The following URI1 variants were observed in gnomAD, a reference collection of about 807,000 sequenced individuals.
The protein encoded by URI1 is unconventional prefoldin RPB5 interactor 1.
URI1 carries 39 observed loss-of-function variants against 60.2 expected under a neutral mutation model. That is an observed-to-expected ratio of 0.65 (90% CI 0.50 to 0.85). The LOEUF is 0.85. URI1 is among the 40% of genes least tolerant of loss of function. The probability of loss-of-function intolerance (pLI) is 0.00; values close to 1 mark genes in which losing one functional copy is unlikely to be tolerated. For synonymous variants in URI1, 251 were observed against 236.8 expected, an observed-to-expected ratio of 1.06 and a Z score of -0.55; for missense variants, 691 against 665.9, an observed-to-expected ratio of 1.04 and a Z score of -0.42.
At position 29,944,185 on chromosome 19, in the gene URI1, A is replaced by ATATG. The variant is rs1254056387; in HGVS notation, c.117+1524_117+1525insGTAT. Among the ~76,000 whole-genome samples the ATATG allele has an allele frequency of 2.1e-3, 207 of 100,712 alleles. 1 individual carries two copies. Among genetic ancestry groups the ATATG allele is most frequent in the Middle Eastern group, 4.8e-3 (1 of 208 alleles). The allele number at this position is 100,712 out of a possible 152,430, so 66.1% of individuals were successfully genotyped here. A position where few individuals can be genotyped will look rare whatever the true frequency, so the allele number is the denominator to read the frequency against. ...TATATATATATATATATATATATAT[A>ATATG]TATATATAAAACTTAACTAGTTTGG... is the stretch of plus-strand genomic sequence containing the variant. On this transcript the variant is annotated intron_variant, in intron 1 of 10. Coordinates refer to ENST00000392271, the MANE Select transcript of URI1 (RefSeq NM_003796.3).
intron 4 of URI1, among the ~76,000 whole-genome samples, chr19:29,990,537 T>G (rs1430840987): frequency 1.3e-5 from 2 of 152,192 alleles, no homozygotes; most frequent in Non-Finnish European, 2.9e-5. Context: ...GTGTCGTACA[T>G]CCATGCAGTG....
chr19:29,931,022 T>C (rs970090124), intron 1 of URI1, among the ~76,000 whole-genome samples: 3 of 152,194 alleles, frequency 2.0e-5, no homozygotes, highest in African/African-American at 7.2e-5. Flanking sequence ...GTATTTTGAT[T>C]ACTGTAGCTT....
intron 6 of URI1, among the ~76,000 whole-genome samples, chr19:30,006,487 T>C (rs2055944354): frequency 6.6e-6 from 1 of 152,100 alleles, no homozygotes; most frequent in South Asian, 2.1e-4. Flanking sequence ...ATAAAGGATA[T>C]GTATATTAAA....
intron 4 of URI1, among the ~76,000 whole-genome samples, chr19:29,992,406 T>G (rs2055758047): frequency 6.6e-6 from 1 of 152,222 alleles, no homozygotes; most frequent in African/African-American, 2.4e-5. Context: ...GGATCTTTCC[T>G]TTTTAATTGA....
At position 30,015,191 on chromosome 19, in the gene URI1, A is replaced by G. The variant is rs1005684071; in HGVS notation, c.*122A>G. 5.7e-5 allele frequency: 82 copies of G among 1,448,868 alleles called. No homozygotes were observed. The highest frequency in any genetic ancestry group is 2.1e-4 in the Middle Eastern group (1 of 4,688). 89.8% of individuals were successfully genotyped at this position (1,448,868 alleles called of 1,614,324 possible). ...GGTATCCTGAGTTACTTTGGCAACA[A>G]GTTCTTTTACCCTTACCCGTGGTAT... On this transcript the variant is annotated 3_prime_UTR_variant, in exon 11 of 11. Transcript: ENST00000392271.
At chr19:29,943,176 C>T (rs1191906677) in intron 1 of URI1, among the ~76,000 whole-genome samples, 1 of 152,034 alleles carries the variant, frequency 6.6e-6, no homozygotes, top group African/African-American at 2.4e-5. Context: ...AACTTCTGGC[C>T]TCAAGCGATC....
intron 3 of URI1, 96 bp from the exon 4 acceptor site, chr19:29,986,186 T>A: frequency 2.5e-6 from 3 of 1,214,992 alleles, no homozygotes; most frequent in Non-Finnish European, 3.2e-6. Flanking sequence ...AATAAAAAAA[T>A]TCAGTTATGT....
At chr19:29,932,873 G>C (rs1046295328) in intron 1 of URI1, among the ~76,000 whole-genome samples, 1 of 150,690 alleles carries the variant, frequency 6.6e-6, no homozygotes, top group Non-Finnish European at 1.5e-5. Context: ...GGCTGGTCTC[G>C]AACTCCTGAC....
chr19:29,955,981 C>A (rs1382437428), intron 1 of URI1, among the ~76,000 whole-genome samples: 2 of 144,964 alleles, frequency 1.4e-5, no homozygotes, highest in Admixed American at 1.4e-4. Flanking sequence ...CCAGAGTAGT[C>A]TTTTTTTTTT....
chr19:29,979,830 C>T (rs1178326905), intron 2 of URI1, among the ~76,000 whole-genome samples: 1 of 152,084 alleles, frequency 6.6e-6, no homozygotes, highest in Non-Finnish European at 1.5e-5. Flanking sequence ...TTTTGTGGTA[C>T]ATTTCAGTTA....
At chr19:29,949,973 A>C (rs1461187229) in intron 1 of URI1, among the ~76,000 whole-genome samples, 2 of 152,184 alleles carry the variant, frequency 1.3e-5, no homozygotes, top group Non-Finnish European at 2.9e-5. Flanking sequence ...TTTTTTAAGA[A>C]AGGCACAGTT....
chr19:29,991,325 T>A (rs2055743612), intron 4 of URI1, among the ~76,000 whole-genome samples: 1 of 152,194 alleles, frequency 6.6e-6, no homozygotes, highest in African/African-American at 2.4e-5. Flanking sequence ...TCATATGCGT[T>A]TTGTTAGGTT....
At chr19:29,997,828 A>C (rs1430483430) in intron 4 of URI1, among the ~76,000 whole-genome samples, 1 of 152,082 alleles carries the variant, frequency 6.6e-6, no homozygotes, top group Non-Finnish European at 1.5e-5. Flanking sequence ...GCAGTGGTGC[A>C]ATATCGGCTC....
chr19:30,008,988 A>G lies in URI1; in HGVS notation c.687-17A>G, dbSNP rs1568446368. On this transcript the variant is annotated splice_polypyrimidine_tract_variant and intron_variant, in intron 7 of 10. Coordinates refer to ENST00000392271, the MANE Select transcript of URI1 (RefSeq NM_003796.3). Reference sequence around the variant, plus strand: ...CTAGTATGTTTGTTTGATCTTGTTAATTTTCTTCCTTGCTAGTAAGCCTGA... The same window carrying G: ...CTAGTATGTTTGTTTGATCTTGTTAGTTTTCTTCCTTGCTAGTAAGCCTGA... The G allele has an allele frequency of 1.3e-6, 2 of 1,554,242 alleles. No individual in the cohort carries two copies. Among genetic ancestry groups the G allele is most frequent in the Non-Finnish European group, 1.7e-6 (2 of 1,146,506 alleles).
intron 2 of URI1, among the ~76,000 whole-genome samples, chr19:29,981,703 G>A (rs2055599779): frequency 6.6e-6 from 1 of 152,116 alleles, no homozygotes; most frequent in South Asian, 2.1e-4. Context: ...TTATGTTGAA[G>A]CCAAAGAAGC....
chr19:29,981,742 G>GGA (rs1226835579), intron 2 of URI1, among the ~76,000 whole-genome samples: 5 of 152,070 alleles, frequency 3.3e-5, no homozygotes, highest in African/African-American at 1.2e-4. Context: ...TAAGTAGGCT[G>GGA]GAGAGGTGTT....
At chr19:29,995,355 C>A (rs2055798423) in intron 4 of URI1, among the ~76,000 whole-genome samples, 1 of 151,958 alleles carries the variant, frequency 6.6e-6, no homozygotes, top group African/African-American at 2.4e-5. Context: ...TGTTTATTGG[C>A]CACATGTATA....
At chr19:29,994,482 G>A (rs2055786561) in intron 4 of URI1, among the ~76,000 whole-genome samples, 1 of 151,376 alleles carries the variant, frequency 6.6e-6, no homozygotes, top group African/African-American at 2.4e-5. Flanking sequence ...ATATGAATTT[G>A]GCTATTCTAG....
intron 1 of URI1, among the ~76,000 whole-genome samples, chr19:29,930,769 A>G (rs1424126940): frequency 6.6e-6 from 1 of 151,778 alleles, no homozygotes; most frequent in Non-Finnish European, 1.5e-5. Flanking sequence ...ATCTCGGCTC[A>G]CTGCAACCTC....
Sources: allele counts gnomAD v4.1 joint callset (sites outside exome capture counted in the v4.1 genomes callset), GRCh38; gene constraint gnomAD v4.1.1; transcripts MANE v1.5; gene names NCBI Gene and HGNC (gene_info 2026-07-23, HGNC 2026-07-21).